TCF7L1: variants seen among roughly 807,000 people sequenced by gnomAD.
TCF7L1 encodes the protein transcription factor 7-like 1.
TCF7L1 carries 18 observed loss-of-function variants against 63.7 expected under a neutral mutation model. The observed-to-expected ratio is 0.28, with a 90% CI of 0.20 to 0.42. The LOEUF is 0.42. Ranked by LOEUF, TCF7L1 falls within the 10% of genes least tolerant of loss-of-function variation. The pLI is 1.00. For missense variants in TCF7L1, 654 were observed against 779.3 expected (o/e 0.84, Z 1.91); for synonymous variants, 355 against 340.9 (o/e 1.04, Z -0.46).
At chr2:85,157,132 C>T (rs548067635) in intron 3 of TCF7L1, among the ~76,000 whole-genome samples, 1 of 152,172 alleles carries the variant, frequency 6.6e-6, no homozygotes, top group South Asian at 2.1e-4. Context: ...CTGGAAGAGG[C>T]CTTAGAGACC....
Position 85,306,586 on chromosome 2 carries a change from G to A in TCF7L1, c.1257+27G>A, listed in dbSNP as rs1325769104. 3.1e-6 allele frequency: 5 copies of A among 1,594,572 alleles called. No homozygotes were observed. Among genetic ancestry groups the A allele is most frequent in the African/African-American group, 1.3e-5 (1 of 74,570 alleles). Reference sequence around the variant, plus strand: ...TAAGTGCACACTCTGGGCAGAGGACGCTCAGACCCCAGGAACAGCCTCTGC... The same window carrying A: ...TAAGTGCACACTCTGGGCAGAGGACACTCAGACCCCAGGAACAGCCTCTGC... On this transcript the variant is annotated intron_variant, in intron 10 of 11. Transcript: ENST00000282111. This position sits in a 1 kb window ranked among gnomAD's most constrained non-coding sequence, Gnocchi z 4.3.
At chr2:85,180,251 A>T (rs1678775608) in intron 3 of TCF7L1, among the ~76,000 whole-genome samples, 1 of 145,958 alleles carries the variant, frequency 6.9e-6, no homozygotes. Context: ...TTTTTGGTAG[A>T]GACAGGGTCT....
intron 3 of TCF7L1, among the ~76,000 whole-genome samples, chr2:85,203,252 G>A (rs1679320163): frequency 6.6e-6 from 1 of 152,144 alleles, no homozygotes; most frequent in African/African-American, 2.4e-5. Flanking sequence ...GGTATTATGT[G>A]TATCTTAACA....
chr2:85,194,016 T>C (rs1372745996), intron 3 of TCF7L1, among the ~76,000 whole-genome samples: 1 of 147,086 alleles, frequency 6.8e-6, no homozygotes, highest in African/African-American at 2.5e-5. Flanking sequence ...AGGGTTAGTG[T>C]GAAAAGATGG....
At chr2:85,201,197 C>T (rs7576858) in intron 3 of TCF7L1, among the ~76,000 whole-genome samples, 1,727 of 152,164 alleles carry the variant, frequency 0.011, 14 homozygotes, top group Non-Finnish European at 0.02. Context: ...AGAGAGACTT[C>T]GTCTCAAGAA....
intron 3 of TCF7L1, among the ~76,000 whole-genome samples, chr2:85,169,613 G>A (rs1574088643): frequency 6.6e-6 from 1 of 152,152 alleles, no homozygotes; most frequent in African/African-American, 2.4e-5. Context: ...AGCATATTGT[G>A]TTGTTCCCTA....
intron 4 of TCF7L1, among the ~76,000 whole-genome samples, chr2:85,299,070 C>A (rs1427398174): frequency 7.0e-6 from 1 of 142,400 alleles, no homozygotes; most frequent in African/African-American, 2.5e-5. Flanking sequence ...TGTGGTTTTG[C>A]CATTAAAAGT....
intron 3 of TCF7L1, among the ~76,000 whole-genome samples, chr2:85,273,919 AT>A (rs1681212799): frequency 6.6e-6 from 1 of 152,108 alleles, no homozygotes; most frequent in Non-Finnish European, 1.5e-5. Flanking sequence ...GGAGAAAGGC[AT>A]TTGCTCTTTC....
chr2:85,274,118 G>A (rs753497711), intron 3 of TCF7L1, among the ~76,000 whole-genome samples: 36 of 152,142 alleles, frequency 2.4e-4, no homozygotes, highest in Non-Finnish European at 8.8e-5. Context: ...GGAGGACTGG[G>A]CCTCCAAAGC....
intron 4 of TCF7L1, among the ~76,000 whole-genome samples, chr2:85,286,722 C>T (rs1402000228): frequency 2.0e-5 from 3 of 152,040 alleles, no homozygotes; most frequent in African/African-American, 7.2e-5. Context: ...CTCAAACTCC[C>T]AACCTCAGGT....
chr2:85,304,937 G>C (rs1483682682), intron 7 of TCF7L1, among the ~76,000 whole-genome samples: 1 of 152,106 alleles, frequency 6.6e-6, no homozygotes, highest in South Asian at 2.1e-4. Context: ...GAACCTCTGA[G>C]GACAGAGGAA....
chr2:85,306,116 A>C lies in TCF7L1; in HGVS notation c.990-90A>C. On this transcript the variant is annotated intron_variant, in intron 8 of 11. Transcript: ENST00000282111. The surrounding 1 kb of genome is among the most constrained non-coding windows in gnomAD (Gnocchi z 4.3). ...ATCCAGGCAGCCCGCGCCCCTCCCC[A>C]GAGACAATCAGCGGTGTTTCAGTGA... 2.8e-5 allele frequency: 43 copies of C among 1,541,398 alleles called. No individual in the cohort carries two copies. The highest frequency in any genetic ancestry group is 3.5e-5 in the Non-Finnish European group (39 of 1,127,548).
At chr2:85,220,343 TTTCTGTAC>T (rs1363494819) in intron 3 of TCF7L1, among the ~76,000 whole-genome samples, 1 of 151,742 alleles carries the variant, frequency 6.6e-6, no homozygotes, top group Non-Finnish European at 1.5e-5. Flanking sequence ...CTCTACTTAC[TTTCTGTAC>T]TTAAAAAAAA....
At chr2:85,198,178 T>C (rs754284071) in intron 3 of TCF7L1, among the ~76,000 whole-genome samples, 1 of 152,248 alleles carries the variant, frequency 6.6e-6, no homozygotes, top group Non-Finnish European at 1.5e-5. Flanking sequence ...GACTTCTGAA[T>C]TTCCCATTTG....
At chr2:85,200,368 T>C (rs775533003) in intron 3 of TCF7L1, among the ~76,000 whole-genome samples, 38 of 152,244 alleles carry the variant, frequency 2.5e-4, no homozygotes, top group Admixed American at 1.6e-3. Context: ...AATAGCCTAC[T>C]CTCGATTAAC....
intron 3 of TCF7L1, among the ~76,000 whole-genome samples, chr2:85,189,043 C>G (rs1678991490): frequency 6.6e-6 from 1 of 152,136 alleles, no homozygotes; most frequent in Admixed American, 6.6e-5. Flanking sequence ...TCCAAAGTAG[C>G]CACCTGACTG....
chr2:85,284,111 A>C (rs574776291), intron 4 of TCF7L1, among the ~76,000 whole-genome samples: 1 of 152,274 alleles, frequency 6.6e-6, no homozygotes, highest in South Asian at 2.1e-4. Context: ...CCCAGGTTCA[A>C]GCGATTCTCC....
At chr2:85,206,906 A>C (rs1679422097) in intron 3 of TCF7L1, among the ~76,000 whole-genome samples, 1 of 152,224 alleles carries the variant, frequency 6.6e-6, no homozygotes, top group South Asian at 2.1e-4. Context: ...ATACACATTA[A>C]ATCATTCTCC....
chr2:85,263,072 T>C (rs775781205), intron 3 of TCF7L1, among the ~76,000 whole-genome samples: 1 of 152,218 alleles, frequency 6.6e-6, no homozygotes, highest in Non-Finnish European at 1.5e-5. Flanking sequence ...TGCCTTCACT[T>C]GGGCCAATGA....
Sources: allele counts gnomAD v4.1 joint callset (sites outside exome capture counted in the v4.1 genomes callset), GRCh38; gene constraint gnomAD v4.1.1; non-coding constraint Gnocchi (gnomAD v3.1); transcripts MANE v1.5; gene names NCBI Gene and HGNC (gene_info 2026-07-23, HGNC 2026-07-21).